ZNF814: variants seen among roughly 807,000 people sequenced by gnomAD.
ZNF814 encodes the protein zinc finger protein 814.
Under a neutral mutation model 7.5 loss-of-function variants are expected in ZNF814, and 5 were observed. The ratio of observed to expected loss-of-function variants is 0.67; its 90% confidence interval spans 0.35 to 1.40. ZNF814 has a LOEUF of 1.40. ZNF814 is among the 40% of genes most tolerant of loss of function. ZNF814 has a pLI of 0.04. For missense variants in ZNF814, 962 were observed against 1,018.0 expected, an observed-to-expected ratio of 0.94 and a Z score of 0.75; for synonymous variants, 315 against 340.7, an observed-to-expected ratio of 0.92 and a Z score of 0.83.
chr19:57,883,865 C>A (rs2071668436), intron 1 of ZNF814, among the ~76,000 whole-genome samples: 1 of 151,736 alleles, frequency 6.6e-6, no homozygotes, highest in South Asian at 2.1e-4. Context: ...TCAAGTGATT[C>A]TCCTGCCTCA....
the ZNF814 span, among the ~76,000 whole-genome samples, chr19:57,896,392 A>G: frequency 6.6e-6 from 1 of 152,192 alleles, no homozygotes; most frequent in East Asian, 1.9e-4. This position sits in a 1 kb window ranked among gnomAD's most constrained non-coding sequence, Gnocchi z 4.2. Flanking sequence ...GGAAATTAAG[A>G]AAGGGAAACT....
In ZNF814 at chr19:57,872,962, C is replaced by A. The variant is rs1291522344; in HGVS notation, c.2428G>T (p.Ala810Ser). The A allele has an allele frequency of 4.3e-6, 7 of 1,612,954 alleles. No individual in the cohort carries two copies. The highest frequency in any genetic ancestry group is 5.9e-6 in the Non-Finnish European group (7 of 1,179,792). Residue 810 changes from alanine (A) to serine (S), a missense_variant, in exon 3 of 3, where the codon GCT becomes TCT. Around this residue, in one of 7 missense-constraint regions of ZNF814, gnomAD observed 665 missense variants for 551.4 expected, o/e 1.21. Coordinates refer to ENST00000435989, the MANE Select transcript of ZNF814 (RefSeq NM_001144989.2). ...YECSECGKSF[A>S]ESSSLTKHKR... ...TGTTTAGTGAGACTGGAGCTTTCAG[C>A]AAAAGATTTTCCACATTCACTGCAC...
intron 1 of ZNF814, among the ~76,000 whole-genome samples, chr19:57,880,637 C>T (rs2071645701): frequency 2.4e-5 from 3 of 126,050 alleles, no homozygotes; most frequent in Admixed American, 8.0e-5. Context: ...GAGAGAGTCT[C>T]GCTCTGTCAC....
At chr19:57,878,505 G>A (rs1281022900) in intron 1 of ZNF814, among the ~76,000 whole-genome samples, 3 of 150,252 alleles carry the variant, frequency 2.0e-5, no homozygotes, top group Non-Finnish European at 4.4e-5. Context: ...CTGTCACCAG[G>A]CTCGAGTGGG....
At chr19:57,875,577 C>T (rs532260992) in intron 2 of ZNF814, among the ~76,000 whole-genome samples, 9 of 152,300 alleles carry the variant, frequency 5.9e-5, no homozygotes, top group Admixed American at 3.3e-4. Flanking sequence ...ACAAGCACAA[C>T]ACAGCAGCTA....
the ZNF814 span, chr19:57,901,674 A>G: frequency 1.7e-5 from 6 of 362,382 alleles, no homozygotes; most frequent in Non-Finnish European, 2.8e-5. Context: ...ACCCTCCAAC[A>G]TGGGGACAAA....
At chr19:57,891,716 G>T (rs893416584), upstream of ZNF814, among the ~76,000 whole-genome samples, 7 of 152,010 alleles carry the variant, frequency 4.6e-5, no homozygotes. Flanking sequence ...TTAGCCGGGC[G>T]GCTCTGTCTA....
chr19:57,884,504 G>A (rs2071673612), intron 1 of ZNF814, among the ~76,000 whole-genome samples: 1 of 152,174 alleles, frequency 6.6e-6, no homozygotes, highest in Admixed American at 6.5e-5. Context: ...GGTGGTCCCT[G>A]CCACTTGGGA....
At chr19:57,896,298 C>G in the ZNF814 span, among the ~76,000 whole-genome samples, 2 of 151,838 alleles carry the variant, frequency 1.3e-5, no homozygotes, top group Admixed American at 6.6e-5. This position sits in a 1 kb window ranked among gnomAD's most constrained non-coding sequence, Gnocchi z 4.2. Context: ...CCATTTCAAA[C>G]AGATCACGAG....
At chr19:57,903,799 C>T in the ZNF814 span, among the ~76,000 whole-genome samples, 2 of 152,316 alleles carry the variant, frequency 1.3e-5, no homozygotes, top group East Asian at 1.9e-4. Flanking sequence ...GAGAAAGCCG[C>T]TGCCAAGAAC....
upstream of ZNF814, among the ~76,000 whole-genome samples, chr19:57,892,122 G>A (rs971909105): frequency 6.6e-5 from 10 of 152,162 alleles, no homozygotes; most frequent in African/African-American, 2.2e-4. Context: ...AAACCAAGCT[G>A]CGCCCTGACC....
the ZNF814 span, among the ~76,000 whole-genome samples, chr19:57,897,136 A>G: frequency 6.6e-6 from 1 of 152,222 alleles, no homozygotes; most frequent in Admixed American, 6.5e-5. Context: ...GAATAAGGCC[A>G]TAACTGACAA....
chr19:57,904,274 C>A, the ZNF814 span, among the ~76,000 whole-genome samples: 1 of 152,194 alleles, frequency 6.6e-6, no homozygotes, highest in Non-Finnish European at 1.5e-5. Context: ...CACATCCGCA[C>A]GTCCTCTCCA....
At chr19:57,898,469 C>G in the ZNF814 span, among the ~76,000 whole-genome samples, 2 of 152,172 alleles carry the variant, frequency 1.3e-5, no homozygotes, top group Non-Finnish European at 2.9e-5. Flanking sequence ...TTAGGAGCGG[C>G]TATTGCTGAG....
At position 57,873,133 on chromosome 19, in the gene ZNF814, A is replaced by C; in HGVS notation, c.2257T>G (p.Phe753Val). Residue 753 changes from phenylalanine to valine, a missense_variant, in exon 3 of 3, where the codon TTT becomes GTT. Physicochemically the swap from Phe to Val is conservative, Grantham distance 50. This residue lies in a region of ZNF814 where 665 missense variants were observed against 551.4 expected (regional missense o/e 1.21). Transcript: ENST00000435989. ...PYECNDCGKS[F>V]THSSTFCVHK... ...ACACAGAATGTAGAGCTGTGGGTAA[A>C]TGATTTTCCACAATCATTGCATTCA... The C allele has an allele frequency of 6.2e-7, 1 of 1,613,822 alleles. No individual in the cohort carries two copies. The highest frequency in any genetic ancestry group is 1.1e-5 in the South Asian group (1 of 91,026).
the ZNF814 span, among the ~76,000 whole-genome samples, chr19:57,898,730 C>G: frequency 4.6e-5 from 7 of 152,160 alleles, no homozygotes; most frequent in African/African-American, 1.4e-4. Context: ...ATGGCAAGGT[C>G]AAGAGATTGA....
At chr19:57,899,258 G>C in the ZNF814 span, among the ~76,000 whole-genome samples, 3 of 152,194 alleles carry the variant, frequency 2.0e-5, no homozygotes, top group Non-Finnish European at 4.4e-5. Context: ...TATTAAGCCA[G>C]TTAGAGAACA....
rs1431842966 is a variant in ZNF814 at position 57,874,467 on chromosome 19, T to C, written c.923A>G (p.Tyr308Cys). 2 of 994,768 alleles carry C rather than the reference T, an allele frequency of 2.0e-6. No individual in the cohort carries two copies. Among genetic ancestry groups the C allele is most frequent in the South Asian group, 1.5e-5 (1 of 67,694 alleles). 61.6% of individuals were successfully genotyped at this position (994,768 alleles called of 1,614,324 possible). The change falls in exon 3 of 3, where the codon TAT becomes TGT. Residue 308 changes from tyrosine (Y) to cysteine (C), a missense_variant. By Grantham distance (194) the Tyr-to-Cys change is radical. Transcript: ENST00000435989. ...TCTCTGATGATTACTGAAGCTAACA[T>C]ATTTGCTAAAGGATTTCCCACATTC... Reference protein sequence around the residue: ...CGECGKSFSKYVSFSNHQRVH... With the variant: ...CGECGKSFSKCVSFSNHQRVH...
intron 1 of ZNF814, among the ~76,000 whole-genome samples, chr19:57,878,953 A>C (rs1449143009): frequency 1.3e-5 from 2 of 152,124 alleles, no homozygotes; most frequent in African/African-American, 4.8e-5. Flanking sequence ...AAGGGAAAAA[A>C]ATTTAAAATA....
Sources: allele counts gnomAD v4.1 joint callset (sites outside exome capture counted in the v4.1 genomes callset), GRCh38; gene constraint gnomAD v4.1.1; regional missense constraint gnomAD v4.1.1; non-coding constraint Gnocchi (gnomAD v3.1); transcripts MANE v1.5; gene names NCBI Gene and HGNC (gene_info 2026-07-23, HGNC 2026-07-21).